Variants in GPC6 observed in about 807,000 individuals in gnomAD.
GPC6 encodes the protein glypican-6.
Under a neutral mutation model 55.2 loss-of-function variants are expected in GPC6, and 14 were observed. That is an observed-to-expected ratio of 0.25 (90% CI 0.17 to 0.40). GPC6 has a LOEUF of 0.40. Among genes scored for constraint, GPC6 ranks in the 10% least tolerant of loss-of-function variants. The pLI is 1.00. For missense variants in GPC6, 641 were observed against 708.5 expected (o/e 0.90, Z 1.08); for synonymous variants, 278 against 259.6 (o/e 1.07, Z -0.68).
intron 4 of GPC6, among the ~76,000 whole-genome samples, chr13:94,087,114 C>T (rs1372158257): frequency 6.6e-6 from 1 of 152,114 alleles, no homozygotes; most frequent in Non-Finnish European, 1.5e-5. Context: ...GAAGAAAGCT[C>T]CAATCCCACA....
At chr13:94,061,573 C>T (rs1162469014) in intron 4 of GPC6, among the ~76,000 whole-genome samples, 1 of 152,014 alleles carries the variant, frequency 6.6e-6, no homozygotes, top group Non-Finnish European at 1.5e-5. Context: ...GTCCAACACA[C>T]ACAGGCATGG....
chr13:93,455,911 C>A (rs528167173), intron 1 of GPC6, among the ~76,000 whole-genome samples: 43 of 152,284 alleles, frequency 2.8e-4, no homozygotes, highest in African/African-American at 9.1e-4. Flanking sequence ...TGGAGTGTTT[C>A]ATTTCAGAAA....
chr13:93,740,219 A>G (rs1449188800), intron 2 of GPC6, among the ~76,000 whole-genome samples: 1 of 114,254 alleles, frequency 8.8e-6, no homozygotes, highest in Non-Finnish European at 1.6e-5. Flanking sequence ...TTTTAATTAT[A>G]TTAATAATTT....
intron 2 of GPC6, among the ~76,000 whole-genome samples, chr13:93,706,449 A>C (rs1244637877): frequency 6.6e-6 from 1 of 151,940 alleles, no homozygotes; most frequent in African/African-American, 2.4e-5. Flanking sequence ...AATTATCTGC[A>C]TGTAATCACT....
At chr13:94,082,769 G>A (rs574330577) in intron 4 of GPC6, among the ~76,000 whole-genome samples, 6 of 152,144 alleles carry the variant, frequency 3.9e-5, no homozygotes, top group East Asian at 3.9e-4. Context: ...TGTATCCTCC[G>A]TGAAACTTCC....
intron 2 of GPC6, among the ~76,000 whole-genome samples, chr13:93,698,237 A>G (rs1199884369): frequency 1.3e-5 from 2 of 152,148 alleles, no homozygotes; most frequent in Admixed American, 6.6e-5. Flanking sequence ...TTGCCCTGGT[A>G]TATGGTGAAT....
chr13:94,211,811 A>G (rs1464289373), intron 4 of GPC6, among the ~76,000 whole-genome samples: 31 of 152,240 alleles, frequency 2.0e-4, no homozygotes, highest in Non-Finnish European at 5.9e-5. Flanking sequence ...AAGCCAATGC[A>G]ATTTCCAGAG....
intron 2 of GPC6, among the ~76,000 whole-genome samples, chr13:93,786,108 G>T (rs879477253): frequency 3.3e-5 from 5 of 152,124 alleles, no homozygotes; most frequent in Admixed American, 1.3e-4. Flanking sequence ...CAGTGTGGAC[G>T]CCAAACACTC....
At chr13:93,641,414 T>A (rs1879932724) in intron 2 of GPC6, among the ~76,000 whole-genome samples, 1 of 152,140 alleles carries the variant, frequency 6.6e-6, no homozygotes, top group Non-Finnish European at 1.5e-5. Flanking sequence ...GTGGCCCCCA[T>A]GTTTATCAAT....
chr13:93,809,938 C>T (rs1886647348), intron 2 of GPC6, among the ~76,000 whole-genome samples: 1 of 152,146 alleles, frequency 6.6e-6, no homozygotes. Context: ...CCTTGCTCTT[C>T]CTTGACCTCA....
At chr13:93,282,032 G>C (rs918693021) in intron 1 of GPC6, among the ~76,000 whole-genome samples, 2 of 152,158 alleles carry the variant, frequency 1.3e-5, no homozygotes, top group African/African-American at 4.8e-5. Flanking sequence ...TATGTGTACT[G>C]ATAAAGCCAC....
At chr13:93,748,429 A>G (rs1884473764) in intron 2 of GPC6, among the ~76,000 whole-genome samples, 1 of 151,464 alleles carries the variant, frequency 6.6e-6, no homozygotes, top group East Asian at 1.9e-4. Context: ...GGAATTTGCC[A>G]TGTTTTCTTC....
chr13:93,734,568 A>G (rs1883933320), intron 2 of GPC6, among the ~76,000 whole-genome samples: 2 of 152,212 alleles, frequency 1.3e-5, no homozygotes, highest in Non-Finnish European at 2.9e-5. Flanking sequence ...TTATCCAAGT[A>G]GAATCTAGGT....
At chr13:94,337,355 ACCT>A (rs1566690798) in intron 6 of GPC6, among the ~76,000 whole-genome samples, 2 of 152,094 alleles carry the variant, frequency 1.3e-5, no homozygotes, top group African/African-American at 4.8e-5. Context: ...TAAATTCACA[ACCT>A]GGTTAGGGGT....
chr13:93,467,146 T>C (rs975911563), intron 1 of GPC6, among the ~76,000 whole-genome samples: 7 of 152,240 alleles, frequency 4.6e-5, no homozygotes, highest in African/African-American at 1.7e-4. Context: ...CAAAATGTTT[T>C]TTCTTTCTGC....
chr13:93,447,687 G>A (rs1878058761), intron 1 of GPC6, among the ~76,000 whole-genome samples: 1 of 152,088 alleles, frequency 6.6e-6, no homozygotes, highest in Admixed American at 6.5e-5. Flanking sequence ...TAAATTATCA[G>A]TCCTTTCAAT....
At chr13:93,435,835 T>C (rs770580819) in intron 1 of GPC6, among the ~76,000 whole-genome samples, 1 of 152,138 alleles carries the variant, frequency 6.6e-6, no homozygotes, top group Non-Finnish European at 1.5e-5. Flanking sequence ...GATGAGCAGA[T>C]TTCATTGTTG....
chr13:93,880,548 G>A (rs182391866), intron 3 of GPC6, among the ~76,000 whole-genome samples: 137 of 152,050 alleles, frequency 9.0e-4, no homozygotes, highest in African/African-American at 2.6e-3. Flanking sequence ...GGAACATCAC[G>A]CTCTGGGGAC....
At chr13:93,621,142 C>T (rs542866708) in intron 2 of GPC6, among the ~76,000 whole-genome samples, 8 of 152,122 alleles carry the variant, frequency 5.3e-5, no homozygotes, top group Non-Finnish European at 8.8e-5. Flanking sequence ...GAGGTTGGTG[C>T]TCTACTCTCT....
Sources: allele counts gnomAD v4.1 joint callset (sites outside exome capture counted in the v4.1 genomes callset), GRCh38; gene constraint gnomAD v4.1.1; transcripts MANE v1.5; gene names NCBI Gene and HGNC (gene_info 2026-07-23, HGNC 2026-07-21).